Variants in MFHAS1 observed in about 807,000 individuals in gnomAD.
The protein encoded by MFHAS1 is malignant fibrous histiocytoma-amplified sequence 1.
Under a neutral mutation model 70.4 loss-of-function variants are expected in MFHAS1, and 50 were observed. The observed-to-expected ratio is 0.71, with a 90% CI of 0.57 to 0.90. The LOEUF (loss-of-function observed/expected upper bound fraction) is 0.90. Ranked by LOEUF, MFHAS1 falls within the 40% of genes least tolerant of loss-of-function variation. The pLI is 0.00. For missense variants in MFHAS1, 1,795 were observed against 1,347.6 expected (o/e 1.33, Z -5.20); for synonymous variants, 952 against 620.0 (o/e 1.54, Z -7.96).
chr8:8,826,247 A>AGAGTGTGT (rs138177121), intron 1 of MFHAS1, among the ~76,000 whole-genome samples: 9 of 147,774 alleles, frequency 6.1e-5, no homozygotes, highest in Non-Finnish European at 1.0e-4. Context: ...AAACACAAAG[A>AGAGTGTGT]GTGTGTGTGT....
chr8:8,814,323 C>G (rs1806657263), intron 1 of MFHAS1, among the ~76,000 whole-genome samples: 1 of 152,194 alleles, frequency 6.6e-6, no homozygotes, highest in Admixed American at 6.5e-5. Flanking sequence ...TTACAATGGT[C>G]ACAATATTCA....
intron 1 of MFHAS1, among the ~76,000 whole-genome samples, chr8:8,818,616 T>C (rs1038653824): frequency 2.0e-5 from 3 of 152,198 alleles, no homozygotes; most frequent in Non-Finnish European, 2.9e-5. Flanking sequence ...CTACAAGAAT[T>C]AAACAATACT....
At chr8:8,852,170 C>T (rs908719750) in intron 1 of MFHAS1, among the ~76,000 whole-genome samples, 7 of 152,070 alleles carry the variant, frequency 4.6e-5, no homozygotes, top group African/African-American at 1.4e-4. Context: ...ATGTCATTAG[C>T]GTGAGTACTT....
At position 8,891,777 on chromosome 8, in the gene MFHAS1, A is replaced by G. The variant is rs759044368; in HGVS notation, c.1282T>C (p.Cys428Arg). Residue 428 changes from cysteine (C) to arginine (R), a missense_variant, in exon 1 of 3, where the codon TGC (cysteine) becomes CGC (arginine). Physicochemically the swap from Cys to Arg is radical, Grantham distance 180. Coordinates refer to ENST00000276282, the MANE Select transcript of MFHAS1 (RefSeq NM_004225.3). The surrounding 1 kb of genome is among the most constrained non-coding windows in gnomAD (Gnocchi z 5.4). ...KAAGKTLLRHCLTEERVEGCP... is the reference protein window; with the variant it reads ...KAAGKTLLRHRLTEERVEGCP... The stretch of plus-strand genomic sequence containing the variant: ...CCCTCCACTCTCTCCTCGGTGAGGC[A>G]GTGGCGCAGCAAAGTCTTTCCTGCA... The G allele has an allele frequency of 6.8e-6, 11 of 1,613,232 alleles. No homozygotes were observed. The African/African-American group carries it at 1.5e-4, about 22-fold the overall frequency.
At chr8:8,861,798 A>C (rs991351975) in intron 1 of MFHAS1, among the ~76,000 whole-genome samples, 2 of 152,142 alleles carry the variant, frequency 1.3e-5, no homozygotes, top group Non-Finnish European at 2.9e-5. Context: ...CCTTTTCTAG[A>C]ACTTCATATA....
intron 1 of MFHAS1, among the ~76,000 whole-genome samples, chr8:8,870,172 G>A (rs1194026720): frequency 2.0e-5 from 3 of 151,910 alleles, no homozygotes; most frequent in African/African-American, 4.8e-5. Context: ...TTATTTACAC[G>A]GGATATGTAC....
In MFHAS1 at chr8:8,891,890, G is replaced by A. The variant is rs977872423; in HGVS notation, c.1169C>T (p.Pro390Leu). 6.2e-6 allele frequency: 10 copies of A among 1,611,448 alleles called. No homozygotes were observed. The highest frequency in any genetic ancestry group is 8.5e-6 in the Non-Finnish European group (10 of 1,178,772). ...PPYEVCMKGI[P>L]YIAAYQKELA... Reference sequence around the variant, plus strand: ...TTCCTTCTGGTAGGCTGCGATGTAGGGGATCCCCTTCATGCAGACCTCGTA... The same window carrying A: ...TTCCTTCTGGTAGGCTGCGATGTAGAGGATCCCCTTCATGCAGACCTCGTA... The change falls in exon 1 of 3, where the codon CCC (proline) becomes CTC (leucine). Residue 390 changes from proline (P) to leucine (L), a missense_variant. Transcript: ENST00000276282. This position sits in a 1 kb window ranked among gnomAD's most constrained non-coding sequence, Gnocchi z 5.4.
intron 1 of MFHAS1, among the ~76,000 whole-genome samples, chr8:8,862,781 T>C (rs1227891567): frequency 4.6e-5 from 7 of 152,138 alleles, no homozygotes; most frequent in African/African-American, 7.2e-5. Context: ...CCCACTGTGG[T>C]TGGGGATGCT....
chr8:8,803,190 C>T (rs1246635046), intron 1 of MFHAS1, among the ~76,000 whole-genome samples: 1 of 152,058 alleles, frequency 6.6e-6, no homozygotes, highest in Non-Finnish European at 1.5e-5. Context: ...CGGATTCAAC[C>T]AACTGCAGGT....
chr8:8,846,771 A>G (rs1808053325), intron 1 of MFHAS1, among the ~76,000 whole-genome samples: 1 of 152,074 alleles, frequency 6.6e-6, no homozygotes, highest in South Asian at 2.1e-4. Context: ...GTTCTGCTGA[A>G]TTAGCCCTCC....
intron 1 of MFHAS1, among the ~76,000 whole-genome samples, chr8:8,847,659 C>G (rs1808086028): frequency 6.6e-6 from 1 of 152,194 alleles, no homozygotes; most frequent in Non-Finnish European, 1.5e-5. Context: ...ATGAAGACAT[C>G]TCATGACAGA....
At chr8:8,835,833 C>A (rs975594065) in intron 1 of MFHAS1, among the ~76,000 whole-genome samples, 33 of 152,296 alleles carry the variant, frequency 2.2e-4, no homozygotes, top group Non-Finnish European at 3.2e-4. Context: ...CAAAAGTTGG[C>A]AAAACATGGC....
chr8:8,796,140 G>A (rs1393182502), intron 2 of MFHAS1, among the ~76,000 whole-genome samples: 2 of 152,140 alleles, frequency 1.3e-5, no homozygotes, highest in Admixed American at 1.3e-4. Context: ...AACAGGATGA[G>A]TGTTATCTAG....
chr8:8,841,446 C>T (rs549845815), intron 1 of MFHAS1, among the ~76,000 whole-genome samples: 128 of 149,896 alleles, frequency 8.5e-4, no homozygotes, highest in South Asian at 5.1e-3. Context: ...ACAGCCTGGG[C>T]GACAGATCAA....
chr8:8,837,198 T>G (rs543677933), intron 1 of MFHAS1, among the ~76,000 whole-genome samples: 2 of 152,234 alleles, frequency 1.3e-5, no homozygotes, highest in African/African-American at 2.4e-5. Context: ...ACAAATGTTC[T>G]GCTGAGTTGA....
intron 1 of MFHAS1, among the ~76,000 whole-genome samples, chr8:8,881,546 T>C (rs558879453): frequency 1.1e-4 from 16 of 152,222 alleles, no homozygotes; most frequent in African/African-American, 1.4e-4. Flanking sequence ...CTCCCCACTA[T>C]AGAATGTTGG....
chr8:8,893,033 A>G lies in MFHAS1; in HGVS notation c.26T>C (p.Leu9Pro). The G allele has an allele frequency of 1.3e-6, 2 of 1,530,604 alleles. No individual in the cohort carries two copies. Among genetic ancestry groups the G allele is most frequent in the African/African-American group, 1.4e-5 (1 of 69,896 alleles). The allele number at this position is 1,530,604 out of a possible 1,614,324, so 94.8% of individuals were successfully genotyped here. MAGMDSGN[L>P]KTARLWRDAA... ...GTCCCGCCACAGCCTCGCGGTCTTC[A>G]GGTTGCCACTGTCCATCCCAGCCAT... Residue 9 changes from leucine (L) to proline (P), a missense_variant, in exon 1 of 3, where the codon CTG becomes CCG. Physicochemically the swap from Leu to Pro is moderately conservative, Grantham distance 98. Transcript: ENST00000276282.
At position 8,891,552 on chromosome 8, in the gene MFHAS1, T is replaced by G. The variant is rs1810037565; in HGVS notation, c.1507A>C (p.Asn503His). 8 of 1,612,984 alleles carry G rather than the reference T, an allele frequency of 5.0e-6. No individual in the cohort carries two copies. The highest frequency in any genetic ancestry group is 5.1e-6 in the Non-Finnish European group (6 of 1,180,022). The change falls in exon 1 of 3, where the codon AAC (asparagine) becomes CAC (histidine). Residue 503 changes from asparagine to histidine, a missense_variant. Physicochemically the swap from Asn to His is moderately conservative, Grantham distance 68 (BLOSUM62 1). Transcript: ENST00000276282. This position sits in a 1 kb window ranked among gnomAD's most constrained non-coding sequence, Gnocchi z 5.4. ...SPGALYVLVV[N>H]LATYEPRHFP... ...TGGCGAGGCTCATAGGTGGCCAAGT[T>G]GACCACCAGCACGTATAGGGCCCCT...
chr8:8,818,168 G>C (rs924492391), intron 1 of MFHAS1, among the ~76,000 whole-genome samples: 2 of 151,546 alleles, frequency 1.3e-5, no homozygotes, highest in Non-Finnish European at 3.0e-5. Context: ...TCATACTTCG[G>C]GGCTGGCTCT....
Sources: gnomAD v4.1 joint callset for allele counts (sites outside exome capture counted in the v4.1 genomes callset) on GRCh38, gnomAD v4.1.1 for gene constraint, Gnocchi (gnomAD v3.1) non-coding constraint, MANE v1.5 for transcripts, NCBI Gene and HGNC (gene_info 2026-07-23, HGNC 2026-07-21) for gene names.